Variants in TASP1 observed in about 807,000 individuals in gnomAD.
TASP1 encodes the protein threonine aspartase 1.
TASP1 carries 16 observed loss-of-function variants against 56.6 expected under a neutral mutation model. That is an observed-to-expected ratio of 0.28 (90% CI 0.19 to 0.43). The LOEUF (loss-of-function observed/expected upper bound fraction) is 0.43, where lower values mean the gene tolerates loss of function less well. Among genes scored for constraint, TASP1 ranks in the 20% least tolerant of loss-of-function variants. TASP1 has a pLI of 1.00. For synonymous variants in TASP1, 179 were observed against 184.2 expected (o/e 0.97, Z 0.23); for missense variants, 393 against 511.6 (o/e 0.77, Z 2.24).
chr20:13,405,054 T>TA lies in TASP1; in HGVS notation c.1170+12393dup, dbSNP rs543002267. On this transcript the variant is annotated intron_variant, in intron 13 of 13. Coordinates refer to ENST00000337743, the MANE Select transcript of TASP1 (RefSeq NM_017714.3). ...AAAAAATTTGAGAATTAAAAACAAA[T>TA]AAGGGTGTTCTTATTTCACCAATCC... Among the ~76,000 whole-genome samples the TA allele has an allele frequency of 6.6e-5, 10 of 152,286 alleles. No individual in the cohort carries two copies. In the East Asian group the frequency reaches 1.9e-3, roughly 29 times the overall value.
chr20:13,267,221 G>GT, the TASP1 span, among the ~76,000 whole-genome samples: 1 of 152,216 alleles, frequency 6.6e-6, no homozygotes. Context: ...AGGTGCAAGA[G>GT]TAACTCAGAT....
chr20:13,128,924 T>C, the TASP1 span, among the ~76,000 whole-genome samples: 1,216 of 149,240 alleles, frequency 8.1e-3, 12 homozygotes, highest in Admixed American at 0.016. Context: ...TCACCCAAGC[T>C]GGAGTACAAT....
At chr20:13,527,778 A>G (rs1228133168) in intron 10 of TASP1, among the ~76,000 whole-genome samples, 5 of 146,850 alleles carry the variant, frequency 3.4e-5, no homozygotes, top group Non-Finnish European at 6.2e-5. Context: ...TTATGTCAAC[A>G]TTTTACTCAA....
intron 12 of TASP1, among the ~76,000 whole-genome samples, chr20:13,433,491 T>G (rs1382484311): frequency 2.2e-5 from 3 of 139,338 alleles, no homozygotes; most frequent in African/African-American, 8.3e-5. Flanking sequence ...CTAGGTACTA[T>G]GTGCAGAGGG....
At chr20:13,614,849 A>G (rs1281154029) in intron 4 of TASP1, 1 of 469,572 alleles carries the variant, frequency 2.1e-6, no homozygotes, top group Admixed American at 2.4e-5. Context: ...TAGCACACAC[A>G]GTACCTGAAA....
At chr20:13,475,668 G>A (rs932120562) in intron 11 of TASP1, among the ~76,000 whole-genome samples, 1 of 152,112 alleles carries the variant, frequency 6.6e-6, no homozygotes, top group African/African-American at 2.4e-5. Context: ...GCCGAGGTTG[G>A]GGGATCACCT....
At chr20:13,370,918 T>C in the TASP1 span, among the ~76,000 whole-genome samples, 1 of 152,178 alleles carries the variant, frequency 6.6e-6, no homozygotes, top group African/African-American at 2.4e-5. Context: ...CTGTAAGAAT[T>C]TGTCAATTTC....
chr20:13,632,270 G>A (rs1403705878), intron 1 of TASP1, among the ~76,000 whole-genome samples: 4 of 149,156 alleles, frequency 2.7e-5, no homozygotes, highest in African/African-American at 7.4e-5. Context: ...TGAGGCAGGA[G>A]AATTGCTTGA....
chr20:13,384,001 G>T, the TASP1 span, among the ~76,000 whole-genome samples: 1 of 152,180 alleles, frequency 6.6e-6, no homozygotes, highest in African/African-American at 2.4e-5. Flanking sequence ...AAGAACCTGG[G>T]TGGAAAGATT....
chr20:13,450,912 T>C (rs1292959127), intron 11 of TASP1, among the ~76,000 whole-genome samples: 2 of 152,116 alleles, frequency 1.3e-5, no homozygotes, highest in African/African-American at 4.8e-5. Flanking sequence ...TGTCCCCGGT[T>C]CATCAGAAGA....
At chr20:13,292,253 C>T in the TASP1 span, 18 of 643,508 alleles carry the variant, frequency 2.8e-5, no homozygotes, top group Middle Eastern at 7.6e-4. Context: ...AGTTTCTGCC[C>T]GTGAGTAGTA....
At position 13,390,141 on chromosome 20, in the gene TASP1, C is replaced by T. The variant is rs1254363508; in HGVS notation, c.*219G>A. ...CATACTCCACACATACACATATGTGCGCACATACGCGCACACACTCACACA... is the reference window on the plus strand; with the variant it reads ...CATACTCCACACATACACATATGTGTGCACATACGCGCACACACTCACACA... On this transcript the variant is annotated 3_prime_UTR_variant, in exon 14 of 14. Transcript: ENST00000337743. The T allele has an allele frequency of 1.4e-5, 7 of 500,136 alleles. No individual in the cohort carries two copies. The highest frequency in any genetic ancestry group is 4.2e-5 in the South Asian group (2 of 47,352). 31.0% of individuals were successfully genotyped at this position (500,136 alleles called of 1,614,324 possible).
At chr20:13,500,797 C>T (rs987797712) in intron 10 of TASP1, among the ~76,000 whole-genome samples, 4 of 151,910 alleles carry the variant, frequency 2.6e-5, no homozygotes, top group South Asian at 2.1e-4. Context: ...TGCATATAAC[C>T]GCAGCCCTAG....
At chr20:13,199,155 G>A in the TASP1 span, among the ~76,000 whole-genome samples, 8 of 151,524 alleles carry the variant, frequency 5.3e-5, no homozygotes, top group South Asian at 1.0e-3. Flanking sequence ...CTCCCACCTC[G>A]GTCTCCCAAA....
rs373794030 is a variant in TASP1, at chr20:13,406,667, TC to T, written c.1170+10780del. Among the ~76,000 whole-genome samples the T allele has an allele frequency of 7.0e-3, 918 of 130,986 alleles. 5 individuals carry two copies. The highest frequency in any genetic ancestry group is 0.013 in the Middle Eastern group (3 of 240). The allele number at this position is 130,986 out of a possible 152,430, so 85.9% of individuals were successfully genotyped here. A position where few individuals can be genotyped will look rare whatever the true frequency, so the allele number is the denominator to read the frequency against. On this transcript the variant is annotated intron_variant, in intron 13 of 13. Coordinates refer to ENST00000337743, the MANE Select transcript of TASP1 (RefSeq NM_017714.3). ...GATATCTCATATTTTGAGGGTTTTT[TC>T]TTTTTTTTTTTTTTTTTTGAGACAG...
the TASP1 span, among the ~76,000 whole-genome samples, chr20:13,311,243 T>TAGATAGATAGATGATA: frequency 0.015 from 1,867 of 127,820 alleles, 23 homozygotes; most frequent in Middle Eastern, 0.027. Flanking sequence ...GATAGATAGA[T>TAGATAGATAGATGATA]GATAGATAGA....
chr20:13,445,670 C>T (rs1470050640), intron 11 of TASP1, among the ~76,000 whole-genome samples: 2 of 152,130 alleles, frequency 1.3e-5, no homozygotes, highest in African/African-American at 2.4e-5. Context: ...AGAAGTTCTT[C>T]GCCTTCAGAA....
intron 8 of TASP1, among the ~76,000 whole-genome samples, chr20:13,538,898 A>C (rs553518256): frequency 1.3e-5 from 2 of 152,160 alleles, no homozygotes; most frequent in East Asian, 3.9e-4. Flanking sequence ...CAAAAAAAAA[A>C]ATTAGCTAGG....
the TASP1 span, among the ~76,000 whole-genome samples, chr20:13,276,232 G>C: frequency 4.6e-5 from 7 of 152,160 alleles, no homozygotes; most frequent in Non-Finnish European, 1.0e-4. Context: ...ACAAGGCTTA[G>C]AGGACCAACA....
Sources: gnomAD v4.1 joint callset for allele counts (sites outside exome capture counted in the v4.1 genomes callset) on GRCh38, gnomAD v4.1.1 for gene constraint, MANE v1.5 for transcripts, NCBI Gene and HGNC (gene_info 2026-07-23, HGNC 2026-07-21) for gene names.